The following EPB41 variants were observed in gnomAD, a reference collection of about 807,000 sequenced individuals.
The protein encoded by EPB41 is erythrocyte membrane protein band 4.1.
In EPB41, 65 loss-of-function variants were observed where a neutral mutation model predicts 108.0. That is an observed-to-expected ratio of 0.60 (90% CI 0.49 to 0.74). The LOEUF (loss-of-function observed/expected upper bound fraction) is 0.74. Ranked by LOEUF, EPB41 falls within the 30% of genes least tolerant of loss-of-function variation. The probability of loss-of-function intolerance (pLI) is 0.00; values close to 1 mark genes in which losing one functional copy is unlikely to be tolerated. For missense variants in EPB41, 875 were observed against 1,037.0 expected (o/e 0.84, Z 2.15); for synonymous variants, 336 against 358.9 (o/e 0.94, Z 0.72).
upstream of EPB41, among the ~76,000 whole-genome samples, chr1:28,912,591 A>G (rs1344116273): frequency 6.6e-6 from 1 of 152,056 alleles, no homozygotes; most frequent in African/African-American, 2.4e-5. Flanking sequence ...AGTCCTTTAC[A>G]TATTTTAACT....
chr1:28,996,420 C>G (rs1240714143), intron 3 of EPB41, among the ~76,000 whole-genome samples: 1 of 152,200 alleles, frequency 6.6e-6, no homozygotes, highest in East Asian at 1.9e-4. Context: ...GGAGTTGAGG[C>G]ATACCTCATT....
At position 28,899,369 on chromosome 1, in the gene EPB41, T is replaced by A. The variant is rs894572529; in HGVS notation, c.-8+12159T>A. ...TTGGAATATCTGCTATGATTTCTAT[T>A]GAACAAATGACACCTGATAAGCCAG... On this transcript the variant is annotated intron_variant, in intron 1 of 16. Coordinates refer to the EPB41 transcript ENST00000347529. Among the ~76,000 whole-genome samples, 14 of 152,336 alleles carry A rather than the reference T, an allele frequency of 9.2e-5. No individual in the cohort carries two copies. In the East Asian group the frequency reaches 2.7e-3, roughly 29 times the overall value.
At chr1:29,036,243 C>G (rs1639357779) in intron 10 of EPB41, among the ~76,000 whole-genome samples, 1 of 150,166 alleles carries the variant, frequency 6.7e-6, no homozygotes, top group South Asian at 2.1e-4. Context: ...CCTCACTTAC[C>G]TCCACGTGTG....
At chr1:29,096,057 T>C (rs1054262555) in intron 16 of EPB41, 1 of 716,820 alleles carries the variant, frequency 1.4e-6, no homozygotes, top group African/African-American at 1.9e-5. Context: ...TTAGTAGCAA[T>C]ATTTTTGAGG....
chr1:28,895,674 G>A (rs1358907020), intron 1 of EPB41, among the ~76,000 whole-genome samples: 1 of 152,120 alleles, frequency 6.6e-6, no homozygotes, highest in Non-Finnish European at 1.5e-5. Context: ...ATTTTTAGTA[G>A]ATGGGGTTTC....
At chr1:29,030,143 T>TA (rs200186761) in intron 7 of EPB41, among the ~76,000 whole-genome samples, 2 of 152,226 alleles carry the variant, frequency 1.3e-5, no homozygotes, top group Non-Finnish European at 2.9e-5. Context: ...TTAGTAGGAT[T>TA]AAAAAAATTT....
intron 1 of EPB41, among the ~76,000 whole-genome samples, chr1:28,965,188 G>A (rs1037683384): frequency 2.6e-5 from 4 of 152,000 alleles, no homozygotes; most frequent in African/African-American, 9.7e-5. Context: ...AATATTGCTT[G>A]TAGTTTTGGT....
At chr1:28,975,222 G>A (rs1339134877) in intron 1 of EPB41, among the ~76,000 whole-genome samples, 2 of 152,162 alleles carry the variant, frequency 1.3e-5, no homozygotes, top group African/African-American at 2.4e-5. Context: ...GTGAGTTACC[G>A]TGCCCGGCCT....
intron 1 of EPB41, among the ~76,000 whole-genome samples, chr1:28,984,594 T>A (rs2095831639): frequency 6.6e-6 from 1 of 152,144 alleles, no homozygotes; most frequent in South Asian, 2.1e-4. Flanking sequence ...ATTTAGAGAA[T>A]GCCTTTGCAG....
chr1:28,909,793 T>C (rs2147993544), upstream of EPB41, among the ~76,000 whole-genome samples: 1 of 150,632 alleles, frequency 6.6e-6, no homozygotes, highest in South Asian at 2.1e-4. Context: ...TGAGATCTTG[T>C]CTCAAAAATA....
intron 16 of EPB41, among the ~76,000 whole-genome samples, chr1:29,078,380 T>G (rs1452296944): frequency 1.3e-5 from 2 of 152,234 alleles, no homozygotes; most frequent in Non-Finnish European, 2.9e-5. Context: ...AAGTATTTTT[T>G]GTCTTTATTT....
intron 1 of EPB41, among the ~76,000 whole-genome samples, chr1:28,956,663 T>C (rs2094960537): frequency 6.6e-6 from 1 of 152,224 alleles, no homozygotes; most frequent in Non-Finnish European, 1.5e-5. Context: ...TAATTATGTG[T>C]AACACTTTAA....
intron 1 of EPB41, among the ~76,000 whole-genome samples, chr1:28,895,602 G>C (rs974851200): frequency 6.6e-6 from 1 of 152,094 alleles, no homozygotes; most frequent in Non-Finnish European, 1.5e-5. Flanking sequence ...CAATTCTCCT[G>C]TCTCAACCTC....
intron 1 of EPB41, among the ~76,000 whole-genome samples, chr1:28,951,493 C>G (rs1399618860): frequency 6.6e-6 from 1 of 152,014 alleles, no homozygotes; most frequent in Non-Finnish European, 1.5e-5. Context: ...GAGAGGATAT[C>G]TACTAAGGGA....
chr1:29,112,413 G>A lies in EPB41; in HGVS notation c.2461G>A (p.Val821Met). The change falls in exon 19 of 21, where the codon GTG (valine) becomes ATG (methionine). Residue 821 changes from valine to methionine, a missense_variant. Physicochemically the swap from Val to Met is conservative, Grantham distance 21. Coordinates refer to ENST00000343067, the MANE Select transcript of EPB41 (RefSeq NM_001376013.1). The stretch of plus-strand genomic sequence containing the variant: ...AGAGACACGTATTGAAAAGAGAATT[G>A]TGATCACAGGAGATGCTGATATTGA... ...ISETRIEKRIVITGDADIDHD... is the reference protein window; with the variant it reads ...ISETRIEKRIMITGDADIDHD... 6.2e-7 allele frequency: 1 copy of A among 1,613,788 alleles called. No individual in the cohort carries two copies. The highest frequency in any genetic ancestry group is 8.5e-7 in the Non-Finnish European group (1 of 1,179,866).
intron 11 of EPB41, among the ~76,000 whole-genome samples, chr1:29,049,395 C>G (rs1573083307): frequency 6.6e-6 from 1 of 152,266 alleles, no homozygotes; most frequent in East Asian, 1.9e-4. Context: ...ATTCAGTGAG[C>G]AGTGGTTACA....
Position 28,967,057 on chromosome 1 carries a change from C to T in EPB41, c.-7-20374C>T, listed in dbSNP as rs563023358. ...TTTTTGAGACGGAGTCTCACTCTGT[C>T]GCCCAGGCTGGAGTGCAGTGGCATG... On this transcript the variant is annotated intron_variant, in intron 1 of 20. Coordinates refer to ENST00000343067, the MANE Select transcript of EPB41 (RefSeq NM_001376013.1). Among the ~76,000 whole-genome samples the T allele has an allele frequency of 1.7e-4, 20 of 115,176 alleles. No individual in the cohort carries two copies. The Middle Eastern group carries it at 0.029, about 169-fold the overall frequency. The allele number at this position is 115,176 out of a possible 152,430, so 75.6% of individuals were successfully genotyped here. A position where few individuals can be genotyped will look rare whatever the true frequency, so the allele number is the denominator to read the frequency against.
rs1448157059 is a variant in EPB41 at position 28,936,338 on chromosome 1, TTC to T, written c.-8+21575_-8+21576del. ...CAAAGACGGAGCTGGATCTTTGGCT[TTC>T]TCTCACTTTGTACAGTGTTTTCACA... On this transcript the variant is annotated intron_variant, in intron 1 of 20. Transcript: ENST00000343067. 5.3e-5 allele frequency among the ~76,000 whole-genome samples: 8 copies of T among 152,296 alleles called. No homozygotes were observed. The South Asian group carries it at 1.0e-3, about 20-fold the overall frequency.
chr1:28,972,211 T>A (rs1387281694), intron 1 of EPB41, among the ~76,000 whole-genome samples: 1 of 152,342 alleles, frequency 6.6e-6, no homozygotes, highest in African/African-American at 2.4e-5. Flanking sequence ...ATTACAGGCT[T>A]GAGCCACCAA....
Sources: gnomAD v4.1 joint callset for allele counts (sites outside exome capture counted in the v4.1 genomes callset) on GRCh38, gnomAD v4.1.1 for gene constraint, MANE v1.5 for transcripts, NCBI Gene and HGNC (gene_info 2026-07-23, HGNC 2026-07-21) for gene names.